Variants in DLG2 observed in about 807,000 individuals in gnomAD.
DLG2 encodes disks large homolog 2.
A neutral mutation model predicts 132.5 loss-of-function variants in DLG2; 45 were observed. The observed-to-expected ratio is 0.34, with a 90% CI of 0.27 to 0.44. The LOEUF (loss-of-function observed/expected upper bound fraction) is 0.44, where lower values mean the gene tolerates loss of function less well. Among genes scored for constraint, DLG2 ranks in the 20% least tolerant of loss-of-function variants. DLG2 has a pLI of 1.00. For missense variants in DLG2, 1,045 were observed against 1,196.9 expected (o/e 0.87, Z 1.87); for synonymous variants, 424 against 419.6 (o/e 1.01, Z -0.13).
intron 7 of DLG2, among the ~76,000 whole-genome samples, chr11:84,311,374 A>C (rs1390861963): frequency 2.0e-5 from 3 of 152,158 alleles, no homozygotes; most frequent in Non-Finnish European, 4.4e-5. Context: ...TATATACCGT[A>C]TTTTCAATTC....
chr11:85,154,483 GCACTATCCACAAA>G, intron 5 of DLG2, 60 bp downstream of exon 5: 1 of 783,532 alleles, frequency 1.3e-6, no homozygotes, highest in Non-Finnish European at 2.1e-6. Flanking sequence ...AACACTACTA[GCACTATCCACAAA>G]GAACAAGACA....
intron 16 of DLG2, among the ~76,000 whole-genome samples, chr11:83,845,760 T>C (rs2058493988): frequency 6.6e-6 from 1 of 152,164 alleles, no homozygotes; most frequent in South Asian, 2.1e-4. Context: ...GTATGGGCAT[T>C]GGAGCTACAT....
intron 7 of DLG2, among the ~76,000 whole-genome samples, chr11:84,527,315 T>C (rs1463018740): frequency 3.3e-5 from 5 of 152,220 alleles, no homozygotes; most frequent in Admixed American, 3.3e-4. Context: ...TACTTTCCTA[T>C]GATTGTGCTC....
chr11:84,324,945 A>G (rs988617171), intron 7 of DLG2, among the ~76,000 whole-genome samples: 7 of 152,100 alleles, frequency 4.6e-5, no homozygotes, highest in African/African-American at 1.7e-4. Flanking sequence ...TTTTCTACCT[A>G]TAAGATCATA....
chr11:83,758,153 G>A (rs1395578072), intron 18 of DLG2, among the ~76,000 whole-genome samples: 3 of 152,168 alleles, frequency 2.0e-5, no homozygotes, highest in Non-Finnish European at 4.4e-5. Context: ...AACCTAACAA[G>A]TCACTCTATT....
intron 7 of DLG2, among the ~76,000 whole-genome samples, chr11:84,306,853 C>A (rs982409576): frequency 3.9e-5 from 6 of 152,010 alleles, no homozygotes; most frequent in Admixed American, 6.6e-5. Context: ...CAGATGTTGG[C>A]GAGCTTGTTG....
chr11:84,518,715 G>C (rs1168507329), intron 7 of DLG2, among the ~76,000 whole-genome samples: 1 of 152,082 alleles, frequency 6.6e-6, no homozygotes, highest in Non-Finnish European at 1.5e-5. Flanking sequence ...AAATCACCCA[G>C]TGACAGCAGC....
At chr11:85,608,767 G>A (rs1310490041) in intron 2 of DLG2, among the ~76,000 whole-genome samples, 1 of 152,202 alleles carries the variant, frequency 6.6e-6, no homozygotes, top group Non-Finnish European at 1.5e-5. Flanking sequence ...GATCAAGGCA[G>A]ACCTGGTGAA....
intron 5 of DLG2, among the ~76,000 whole-genome samples, chr11:85,151,486 T>G (rs939782800): frequency 6.6e-6 from 1 of 152,172 alleles, no homozygotes; most frequent in Non-Finnish European, 1.5e-5. Context: ...TTTTATAGTT[T>G]AAATATTACA....
chr11:84,859,318 T>C (rs1252610072), intron 6 of DLG2, among the ~76,000 whole-genome samples: 2 of 140,262 alleles, frequency 1.4e-5, no homozygotes, highest in African/African-American at 5.0e-5. Context: ...CCTATATATG[T>C]ATATCTACAT....
At chr11:84,159,754 G>A (rs568197753) in intron 9 of DLG2, among the ~76,000 whole-genome samples, 43 of 152,282 alleles carry the variant, frequency 2.8e-4, no homozygotes, top group Non-Finnish European at 4.7e-4. Flanking sequence ...GGTAAAAGTG[G>A]AAGCTATTAT....
At chr11:84,405,099 G>T (rs2098844019) in intron 7 of DLG2, among the ~76,000 whole-genome samples, 2 of 152,088 alleles carry the variant, frequency 1.3e-5, no homozygotes, top group Admixed American at 1.3e-4. Context: ...CATAAATAGG[G>T]ACAGGCAAAG....
intron 7 of DLG2, among the ~76,000 whole-genome samples, chr11:84,514,202 TGG>T (rs2099265497): frequency 6.6e-6 from 1 of 151,918 alleles, no homozygotes; most frequent in Non-Finnish European, 1.5e-5. Flanking sequence ...CGAATGCTGG[TGG>T]GGATGTGGAG....
At chr11:84,213,554 T>C (rs972226841) in intron 8 of DLG2, among the ~76,000 whole-genome samples, 3 of 152,088 alleles carry the variant, frequency 2.0e-5, no homozygotes, top group Admixed American at 6.6e-5. Context: ...GCGCGGTGGC[T>C]CATGCCTGTA....
At chr11:84,846,082 G>T (rs1033424722) in intron 6 of DLG2, among the ~76,000 whole-genome samples, 4 of 151,800 alleles carry the variant, frequency 2.6e-5, no homozygotes, top group Admixed American at 2.6e-4. Context: ...TTCAGTCCTA[G>T]GTTCTCTTAT....
At chr11:84,244,902 C>T (rs1034980406) in intron 8 of DLG2, among the ~76,000 whole-genome samples, 6 of 152,172 alleles carry the variant, frequency 3.9e-5, no homozygotes, top group African/African-American at 1.4e-4. Flanking sequence ...GGAAAATGGT[C>T]CAATCAAAAG....
chr11:84,703,390 G>C (rs982462802), intron 6 of DLG2, among the ~76,000 whole-genome samples: 3 of 151,330 alleles, frequency 2.0e-5, no homozygotes. Context: ...GATTAGATTT[G>C]AACAAAGCCA....
intron 6 of DLG2, among the ~76,000 whole-genome samples, chr11:84,737,024 G>A (rs2063925206): frequency 6.6e-6 from 1 of 151,872 alleles, no homozygotes; most frequent in Non-Finnish European, 1.5e-5. Context: ...TTATCATGTT[G>A]AAGAAATTCC....
chr11:84,246,441 A>C (rs552002162), intron 8 of DLG2, among the ~76,000 whole-genome samples: 1 of 152,328 alleles, frequency 6.6e-6, no homozygotes, highest in African/African-American at 2.4e-5. Flanking sequence ...ATTTTACTTA[A>C]TAATGGCCCC....
Sources: gnomAD v4.1 joint callset for allele counts (sites outside exome capture counted in the v4.1 genomes callset) on GRCh38, gnomAD v4.1.1 for gene constraint, MANE v1.5 for transcripts, NCBI Gene and HGNC (gene_info 2026-07-23, HGNC 2026-07-21) for gene names.